The following SCTR variants were observed in gnomAD, a reference collection of about 807,000 sequenced individuals.
SCTR encodes the protein pancreatic secretin receptor.
Under a neutral mutation model 60.8 loss-of-function variants are expected in SCTR, and 56 were observed. The observed-to-expected ratio is 0.92, with a 90% CI of 0.74 to 1.15. The LOEUF (loss-of-function observed/expected upper bound fraction) is 1.15. SCTR is among the 50% of genes most tolerant of loss of function. The probability of loss-of-function intolerance (pLI) is 0.00; values close to 1 mark genes in which losing one functional copy is unlikely to be tolerated. For missense variants in SCTR, 562 were observed against 550.4 expected (o/e 1.02, Z -0.21); for synonymous variants, 202 against 217.0 (o/e 0.93, Z 0.61).
chr2:119,452,175 A>T, intron 8 of SCTR, 96 bp from the exon 9 acceptor site: 1 of 745,034 alleles, frequency 1.3e-6, no homozygotes, highest in South Asian at 1.6e-5. Flanking sequence ...CTTGGTATGA[A>T]GGACCTGTGT....
intron 1 of SCTR, among the ~76,000 whole-genome samples, chr2:119,512,501 A>T (rs1214004286): frequency 6.8e-6 from 1 of 146,302 alleles, no homozygotes; most frequent in Non-Finnish European, 1.5e-5. Context: ...GGCTCAACTG[A>T]TTCTCCTGCC....
At chr2:119,482,803 C>T (rs562295919) in intron 2 of SCTR, among the ~76,000 whole-genome samples, 1 of 152,236 alleles carries the variant, frequency 6.6e-6, no homozygotes, top group East Asian at 1.9e-4. Flanking sequence ...ACAGCCCACT[C>T]TGTGTCTCCG....
Position 119,473,362 on chromosome 2 carries a change from C to T in SCTR, c.405+91G>A. 4 of 850,186 alleles carry T rather than the reference C, an allele frequency of 4.7e-6. No individual in the cohort carries two copies. In the Admixed American group the frequency reaches 8.0e-5, roughly 17 times the overall value. 52.7% of individuals were successfully genotyped at this position (850,186 alleles called of 1,614,324 possible). A position where few individuals can be genotyped will look rare whatever the true frequency, so the allele number is the denominator to read the frequency against. On this transcript the variant is annotated intron_variant, in intron 4 of 12. Transcript: ENST00000019103. Reference sequence around the variant, plus strand: ...GACCACTGTCCCAGGCCTGTGCCACCCTGTCCTCTCCCAGGGCCTCCTCTC... The same window carrying T: ...GACCACTGTCCCAGGCCTGTGCCACTCTGTCCTCTCCCAGGGCCTCCTCTC...
At chr2:119,483,936 T>A (rs1436888738) in intron 2 of SCTR, among the ~76,000 whole-genome samples, 1 of 151,858 alleles carries the variant, frequency 6.6e-6, no homozygotes, top group Non-Finnish European at 1.5e-5. Flanking sequence ...ACTCCGGGAC[T>A]CCCCAGTCCC....
intron 2 of SCTR, among the ~76,000 whole-genome samples, chr2:119,481,783 A>C (rs1677618031): frequency 6.6e-6 from 1 of 152,212 alleles, no homozygotes; most frequent in African/African-American, 2.4e-5. Context: ...CAGATGAACA[A>C]ATGAAGGGAC....
intron 1 of SCTR, 25 bp downstream of exon 1, chr2:119,524,130 G>A: frequency 6.5e-7 from 1 of 1,538,028 alleles, no homozygotes; most frequent in Non-Finnish European, 8.8e-7. Flanking sequence ...CGGGTCCCCA[G>A]CCTGCAGAAG....
At chr2:119,501,201 G>A (rs1678538402) in intron 1 of SCTR, among the ~76,000 whole-genome samples, 1 of 152,142 alleles carries the variant, frequency 6.6e-6, no homozygotes, top group Non-Finnish European at 1.5e-5. Context: ...ACGAGGTCAG[G>A]AGATCGAGAC....
chr2:119,483,827 T>A (rs1355633563), intron 2 of SCTR, among the ~76,000 whole-genome samples: 1 of 152,088 alleles, frequency 6.6e-6, no homozygotes, highest in East Asian at 1.9e-4. Flanking sequence ...CTGGAGGGAA[T>A]GTGGCTTGGG....
intron 1 of SCTR, among the ~76,000 whole-genome samples, chr2:119,519,867 A>AC (rs1679237585): frequency 1.6e-4 from 23 of 139,710 alleles, no homozygotes; most frequent in East Asian, 4.4e-4. Context: ...AAAAAGAAAA[A>AC]AAAACAAAAA....
At chr2:119,459,421 TA>T (rs201639502) in intron 7 of SCTR, among the ~76,000 whole-genome samples, 3 of 151,916 alleles carry the variant, frequency 2.0e-5, no homozygotes, top group Non-Finnish European at 2.9e-5. Flanking sequence ...TTTTTCTACT[TA>T]AAAAAATTTT....
chr2:119,444,880 CACATATATTCGTACGAATATATAT>C lies in SCTR; in HGVS notation c.1140+1855_1140+1878del, dbSNP rs1558832216. ...ACATATATTCGTACGAATATATATACACATATATTCGTACGAATATATATACATATATTCGTACGAATATACACA... is the reference window on the plus strand; with the variant it reads ...ACATATATTCGTACGAATATATATACACATATATTCGTACGAATATACACA... On this transcript the variant is annotated intron_variant, in intron 11 of 12. Coordinates refer to ENST00000019103, the MANE Select transcript of SCTR (RefSeq NM_002980.3). Among the ~76,000 whole-genome samples the C allele has an allele frequency of 5.0e-4, 4 of 7,992 alleles. 1 individual carries two copies. Among genetic ancestry groups the C allele is most frequent in the African/African-American group, 8.1e-4 (1 of 1,232 alleles). The allele number at this position is 7,992 out of a possible 152,430, so 5.2% of individuals were successfully genotyped here. A position where few individuals can be genotyped will look rare whatever the true frequency, so the allele number is the denominator to read the frequency against.
intron 11 of SCTR, among the ~76,000 whole-genome samples, chr2:119,443,291 C>G (rs529626221): frequency 6.6e-6 from 1 of 152,234 alleles, no homozygotes; most frequent in African/African-American, 2.4e-5. Context: ...AAGAAATGCT[C>G]ATGATGGGCA....
intron 4 of SCTR, 41 bp downstream of exon 4, chr2:119,473,412 T>C: frequency 7.1e-7 from 1 of 1,413,276 alleles, no homozygotes; most frequent in Non-Finnish European, 1.0e-6. Flanking sequence ...CCCTATAGGT[T>C]CCTGTCCCCG....
Position 119,494,566 on chromosome 2 carries a change from G to T in SCTR, c.73-18C>A, listed in dbSNP as rs572811940. The T allele has an allele frequency of 6.2e-7, 1 of 1,613,088 alleles. No homozygotes were observed. Among genetic ancestry groups the T allele is most frequent in the East Asian group, 2.2e-5 (1 of 44,832 alleles). ...GCTCCAGTCTGCAAGTCCAAAACCAGGGATGCTCATCATTGCCACTAACTC... is the reference window on the plus strand; with the variant it reads ...GCTCCAGTCTGCAAGTCCAAAACCATGGATGCTCATCATTGCCACTAACTC... On this transcript the variant is annotated intron_variant, in intron 1 of 12. Transcript: ENST00000019103.
intron 2 of SCTR, chr2:119,479,141 A>G: frequency 7.7e-7 from 1 of 1,297,798 alleles, no homozygotes; most frequent in Non-Finnish European, 9.7e-7. Flanking sequence ...GATAGAAGGA[A>G]GTAAGAAAGG....
rs1683241840 is a variant in SCTR at position 119,453,270 on chromosome 2, T to A, written c.851+17A>T. 3 of 1,578,800 alleles carry A rather than the reference T, an allele frequency of 1.9e-6. No individual in the cohort carries two copies. Among genetic ancestry groups the A allele is most frequent in the Non-Finnish European group, 1.7e-6 (2 of 1,147,870 alleles). On this transcript the variant is annotated intron_variant, in intron 8 of 12. Transcript: ENST00000019103. The stretch of plus-strand genomic sequence containing the variant: ...GATGTCAGATACATTCTTGTTATCC[T>A]CCTTCCGTTAGCTTACCCAACATCT...
rs373092605 is a variant in SCTR at position 119,451,992 on chromosome 2, G to C, written c.921+18C>G. 9 of 1,528,824 alleles carry C rather than the reference G, an allele frequency of 5.9e-6. No individual in the cohort carries two copies. The African/African-American group carries it at 1.2e-4, about 21-fold the overall frequency. The allele number at this position is 1,528,824 out of a possible 1,614,324, so 94.7% of individuals were successfully genotyped here. Reference sequence around the variant, plus strand: ...TCTCTCCCACTGATCCCCAGCTAGGGAGAGGAGGGCCACTCACCAGGATGG... The same window carrying C: ...TCTCTCCCACTGATCCCCAGCTAGGCAGAGGAGGGCCACTCACCAGGATGG... On this transcript the variant is annotated intron_variant, in intron 9 of 12. Coordinates refer to ENST00000019103, the MANE Select transcript of SCTR (RefSeq NM_002980.3).
intron 11 of SCTR, among the ~76,000 whole-genome samples, chr2:119,445,293 G>T (rs1682884160): frequency 6.6e-6 from 1 of 152,156 alleles, no homozygotes; most frequent in Non-Finnish European, 1.5e-5. Context: ...AGCCTCCCTG[G>T]ACGTTACAAG....
chr2:119,448,803 G>T, intron 9 of SCTR, 23 bp from the exon 10 acceptor site: 1 of 1,339,314 alleles, frequency 7.5e-7, no homozygotes, highest in South Asian at 1.2e-5. Flanking sequence ...AGGCAGAGGT[G>T]GGGCTGAAGG....
Sources: gnomAD v4.1 joint callset for allele counts (sites outside exome capture counted in the v4.1 genomes callset) on GRCh38, gnomAD v4.1.1 for gene constraint, MANE v1.5 for transcripts, NCBI Gene and HGNC (gene_info 2026-07-23, HGNC 2026-07-21) for gene names.